NDUFAF1: variants seen among roughly 807,000 people sequenced by gnomAD.
NDUFAF1 encodes complex I intermediate-associated protein 30, mitochondrial.
NDUFAF1 carries 18 observed loss-of-function variants against 28.7 expected under a neutral mutation model. The ratio of observed to expected loss-of-function variants is 0.63; its 90% confidence interval spans 0.43 to 0.93. The LOEUF is 0.93. NDUFAF1 is among the 40% of genes least tolerant of loss of function. NDUFAF1 has a pLI of 0.00. For synonymous variants in NDUFAF1, 113 were observed against 139.7 expected (o/e 0.81, Z 1.35); for missense variants, 404 against 398.3 (o/e 1.01, Z -0.12).
At position 41,401,396 on chromosome 15, in the gene NDUFAF1, G is replaced by A. The variant is rs562797870; in HGVS notation, c.-82+748C>T. On this transcript the variant is annotated intron_variant, in intron 1 of 4. Transcript: ENST00000260361. Reference sequence around the variant, plus strand: ...AGTGCTTCTCCTGCCTCTGCCTCCCGAGTGGCTGAAATTACAGGTGCCCGC... The same window carrying A: ...AGTGCTTCTCCTGCCTCTGCCTCCCAAGTGGCTGAAATTACAGGTGCCCGC... 3.2e-3 allele frequency among the ~76,000 whole-genome samples: 465 copies of A among 147,402 alleles called. 4 individuals carry two copies. The highest frequency in any genetic ancestry group is 0.011 in the African/African-American group (452 of 39,836).
intron 1 of NDUFAF1, among the ~76,000 whole-genome samples, chr15:41,401,267 CTTTTTTT>C (rs755063294): frequency 1.8e-5 from 2 of 111,228 alleles, no homozygotes; most frequent in African/African-American, 3.2e-5. Flanking sequence ...GGCGCCCAAC[CTTTTTTT>C]TTTTTTTTTT....
intron 3 of NDUFAF1, among the ~76,000 whole-genome samples, chr15:41,389,579 T>C (rs2050293523): frequency 6.6e-6 from 1 of 151,940 alleles, no homozygotes; most frequent in African/African-American, 2.4e-5. Context: ...AAGACCAGCC[T>C]GGGAAACACG....
intron 1 of NDUFAF1, among the ~76,000 whole-genome samples, chr15:41,400,547 G>C (rs1330908323): frequency 2.6e-5 from 4 of 151,062 alleles, no homozygotes; most frequent in Non-Finnish European, 5.9e-5. Context: ...TTTTGAGACA[G>C]AGTCTCACTC....
At chr15:41,398,023 CAAAAAAAAAA>C (rs1217218175) in intron 1 of NDUFAF1, among the ~76,000 whole-genome samples, 1 of 56,974 alleles carries the variant, frequency 1.8e-5, no homozygotes, top group Non-Finnish European at 3.4e-5. Context: ...GACTCTGTCT[CAAAAAAAAAA>C]AAAAAAAAAA....
In NDUFAF1 at chr15:41,395,164, A is replaced by T. The variant is rs2050368647; in HGVS notation, c.574-120T>A. 9 of 843,030 alleles carry T rather than the reference A, an allele frequency of 1.1e-5. No individual in the cohort carries two copies. In the South Asian group the frequency reaches 1.1e-4, roughly 11 times the overall value. The allele number at this position is 843,030 out of a possible 1,614,324, so 52.2% of individuals were successfully genotyped here. ...AACCATTTTTCTGACTTTCTGCCCC[A>T]TAAGAAGGCACATAAACCCAGTGAT... On this transcript the variant is annotated intron_variant, in intron 2 of 4. Coordinates refer to ENST00000260361, the MANE Select transcript of NDUFAF1 (RefSeq NM_016013.4).
At chr15:41,390,817 G>A (rs2050307707) in intron 3 of NDUFAF1, among the ~76,000 whole-genome samples, 1 of 152,004 alleles carries the variant, frequency 6.6e-6, no homozygotes, top group Non-Finnish European at 1.5e-5. Flanking sequence ...CGGATCATGA[G>A]GCCAGGAGTT....
intron 1 of NDUFAF1, among the ~76,000 whole-genome samples, chr15:41,399,186 G>C (rs968077172): frequency 8.6e-5 from 13 of 151,900 alleles, no homozygotes; most frequent in Non-Finnish European, 1.9e-4. Context: ...GGATCACCTA[G>C]GACAGGAGTT....
chr15:41,388,788 G>A lies in NDUFAF1; in HGVS notation c.760-266C>T, dbSNP rs2050282913. On this transcript the variant is annotated intron_variant, in intron 3 of 4. Transcript: ENST00000260361. ...TTTTTTTTCTTTCTGTGGAGAATGG[G>A]GTCTCACTTTGTTGCCTGAACCCGG... Among the ~76,000 whole-genome samples, 5 of 150,432 alleles carry A rather than the reference G, an allele frequency of 3.3e-5. No homozygotes were observed. In the South Asian group the frequency reaches 8.4e-4, roughly 25 times the overall value.
At chr15:41,398,031 A>G (rs1387941956) in intron 1 of NDUFAF1, among the ~76,000 whole-genome samples, 2 of 150,674 alleles carry the variant, frequency 1.3e-5, no homozygotes, top group South Asian at 2.1e-4. Context: ...CTCAAAAAAA[A>G]AAAAAAAAAA....
intron 4 of NDUFAF1, 143 bp from the exon 5 acceptor site, chr15:41,387,736 T>C (rs1031477264): frequency 1.7e-5 from 11 of 665,288 alleles, no homozygotes; most frequent in Admixed American, 1.1e-4. Context: ...AATTCTCCCA[T>C]AGCATACTGT....
At chr15:41,400,382 A>G (rs1375730952) in intron 1 of NDUFAF1, among the ~76,000 whole-genome samples, 2 of 151,652 alleles carry the variant, frequency 1.3e-5, no homozygotes, top group Non-Finnish European at 2.9e-5. Context: ...AAAAAAAAAA[A>G]AAAAAATAGA....
In NDUFAF1 at chr15:41,402,488, T is replaced by C. The variant is rs1193648800; in HGVS notation, c.-426A>G. ...TGTACCTTCCGCCCAGAAGCCACTTTACCCGTATAGGTCCATCTGCTTTTC... is the reference window on the plus strand; with the variant it reads ...TGTACCTTCCGCCCAGAAGCCACTTCACCCGTATAGGTCCATCTGCTTTTC... On this transcript the variant is annotated 5_prime_UTR_variant, in exon 1 of 5. Transcript: ENST00000260361. 8.0e-6 allele frequency: 3 copies of C among 374,752 alleles called. No homozygotes were observed. The highest frequency in any genetic ancestry group is 1.9e-5 in the South Asian group (1 of 52,278). 23.2% of individuals were successfully genotyped at this position (374,752 alleles called of 1,614,324 possible).
intron 1 of NDUFAF1, among the ~76,000 whole-genome samples, chr15:41,398,599 C>T (rs1271171252): frequency 1.3e-5 from 2 of 152,028 alleles, no homozygotes; most frequent in East Asian, 3.9e-4. Flanking sequence ...AATGATTCTC[C>T]CACCTCAGCC....
chr15:41,395,400 T>C (rs986502396), intron 2 of NDUFAF1, among the ~76,000 whole-genome samples: 19 of 151,156 alleles, frequency 1.3e-4, no homozygotes, highest in East Asian at 3.9e-4. Flanking sequence ...GACGGAGTCT[T>C]GCTCTGTCAC....
rs1446262719 is a variant in NDUFAF1, at chr15:41,387,737, A to G, written c.835-144T>C. The G allele has an allele frequency of 7.5e-6, 5 of 667,024 alleles. No homozygotes were observed. The Admixed American group carries it at 1.3e-4, about 18-fold the overall frequency. 41.3% of individuals were successfully genotyped at this position (667,024 alleles called of 1,614,324 possible). On this transcript the variant is annotated intron_variant, in intron 4 of 4. Transcript: ENST00000260361. ...TAGCAAATACTACTAATTCTCCCAT[A>G]GCATACTGTAAGAGGAAATACAAGA...
chr15:41,402,823 C>A (rs769970296), upstream of NDUFAF1, among the ~76,000 whole-genome samples: 4 of 150,988 alleles, frequency 2.6e-5, no homozygotes, highest in Non-Finnish European at 4.4e-5. Context: ...CCTCTGCCTC[C>A]CAGATTCAAG....
intron 3 of NDUFAF1, chr15:41,394,379 G>A (rs1022741411): frequency 3.9e-6 from 5 of 1,288,804 alleles, no homozygotes; most frequent in Non-Finnish European, 5.1e-6. Flanking sequence ...TGAAATGGCA[G>A]AAACTTCTAA....
At chr15:41,400,592 G>C (rs1245937267) in intron 1 of NDUFAF1, among the ~76,000 whole-genome samples, 4 of 150,604 alleles carry the variant, frequency 2.7e-5, no homozygotes, top group African/African-American at 7.3e-5. Flanking sequence ...GCACGATCTC[G>C]GCTCACTGCA....
chr15:41,396,330 G>C (rs756568805), intron 2 of NDUFAF1, among the ~76,000 whole-genome samples, 157 bp downstream of exon 2: 4 of 152,058 alleles, frequency 2.6e-5, no homozygotes, highest in Non-Finnish European at 5.9e-5. Flanking sequence ...CTTCACACTT[G>C]TGCCAATAGT....
Sources: allele counts gnomAD v4.1 joint callset (sites outside exome capture counted in the v4.1 genomes callset), GRCh38; gene constraint gnomAD v4.1.1; transcripts MANE v1.5; gene names NCBI Gene and HGNC (gene_info 2026-07-23, HGNC 2026-07-21).